Variants in NOSTRIN observed in about 807,000 individuals in gnomAD.
The protein encoded by NOSTRIN is nitric oxide synthase trafficking.
A neutral mutation model predicts 59.0 loss-of-function variants in NOSTRIN; 63 were observed. The observed-to-expected ratio is 1.07, with a 90% CI of 0.87 to 1.32. NOSTRIN has a LOEUF of 1.32. Ranked by LOEUF, NOSTRIN falls within the 40% of genes most tolerant of loss-of-function variation. NOSTRIN has a pLI of 0.00. For missense variants in NOSTRIN, 512 were observed against 473.1 expected, an observed-to-expected ratio of 1.08 and a Z score of -0.76; for synonymous variants, 200 against 165.4, an observed-to-expected ratio of 1.21 and a Z score of -1.61.
At chr2:168,798,169 G>T (rs538244846), upstream of NOSTRIN, 4 of 152,184 alleles carry the variant, frequency 2.6e-5, no homozygotes, top group South Asian at 2.1e-4. Flanking sequence ...AGAACCCAGG[G>T]ATATGGAGAG....
intron 2 of NOSTRIN, chr2:168,818,188 C>T: frequency 2.7e-6 from 1 of 365,810 alleles, no homozygotes; most frequent in Non-Finnish European, 5.7e-6. Context: ...GGTTCTCATT[C>T]TGCTGCTCAG....
At chr2:168,842,888 A>T (rs1688183139) in intron 7 of NOSTRIN, 104 bp from the exon 8 acceptor site, 2 of 762,852 alleles carry the variant, frequency 2.6e-6, no homozygotes, top group Non-Finnish European at 4.5e-6. Flanking sequence ...TCTACGTGAG[A>T]GGTGAGAAAC....
chr2:168,824,834 T>G, intron 3 of NOSTRIN, 117 bp downstream of exon 3: 3 of 639,438 alleles, frequency 4.7e-6, no homozygotes, highest in Non-Finnish European at 8.7e-6. Flanking sequence ...TAGAGTGCAG[T>G]GGCACAATCA....
At chr2:168,799,610 G>A (rs1042742681), upstream of NOSTRIN, among the ~76,000 whole-genome samples, 1 of 152,202 alleles carries the variant, frequency 6.6e-6, no homozygotes, top group Admixed American at 6.5e-5. Context: ...CCTTAGCAGA[G>A]TATGTGTAGG....
intron 10 of NOSTRIN, among the ~76,000 whole-genome samples, chr2:168,854,188 T>C (rs776927142): frequency 6.6e-6 from 1 of 152,238 alleles, no homozygotes; most frequent in East Asian, 1.9e-4. Flanking sequence ...AAGACACTTT[T>C]GTAATGTGCA....
At chr2:168,834,405 C>A in intron 7 of NOSTRIN, 80 bp downstream of exon 7, 2 of 739,576 alleles carry the variant, frequency 2.7e-6, no homozygotes, top group Non-Finnish European at 2.4e-6. Flanking sequence ...CACAAGAGAA[C>A]GGGTTGATTC....
chr2:168,864,848 A>G lies in NOSTRIN; in HGVS notation c.1399A>G (p.Ile467Val), dbSNP rs748875287. 6.2e-7 allele frequency: 1 copy of G among 1,613,972 alleles called. No individual in the cohort carries two copies. The highest frequency in any genetic ancestry group is 2.2e-5 in the East Asian group (1 of 44,860). Residue 467 changes from isoleucine to valine, a missense_variant, in exon 16 of 16, where the codon ATA becomes GTA. By Grantham distance (29) the Ile-to-Val change is conservative. Transcript: ENST00000317647. ...LNLEKGDIVI[I>V]HEKKEGGWWF... ...TATTTTCACAGGTGACATTGTGATT[A>G]TACACGAGAAAAAAGAAGGAGGATG... is the stretch of plus-strand genomic sequence containing the variant.
At position 168,859,499 on chromosome 2, in the gene NOSTRIN, G is replaced by A; in HGVS notation, c.1054-13G>A. The stretch of plus-strand genomic sequence containing the variant: ...TAGAAATTTGCTCACATGGCCAAAT[G>A]ATGTATCCACAGAACAATTTGAAAC... On this transcript the variant is annotated splice_polypyrimidine_tract_variant and intron_variant, in intron 12 of 15. Transcript: ENST00000317647. 1 of 1,611,546 alleles carries A rather than the reference G, an allele frequency of 6.2e-7. No individual in the cohort carries two copies. Among genetic ancestry groups the A allele is most frequent in the Non-Finnish European group, 8.5e-7 (1 of 1,179,002 alleles).
chr2:168,806,756 C>T (rs1685871278), intron 1 of NOSTRIN, among the ~76,000 whole-genome samples: 1 of 151,894 alleles, frequency 6.6e-6, no homozygotes, highest in Non-Finnish European at 1.5e-5. Flanking sequence ...TAGATTATTC[C>T]CTGGAATGAA....
At chr2:168,803,220 A>G (rs1389607088) in intron 1 of NOSTRIN, among the ~76,000 whole-genome samples, 1 of 152,156 alleles carries the variant, frequency 6.6e-6, no homozygotes, top group East Asian at 1.9e-4. Context: ...CGTTTTGGTA[A>G]TGTTTGGAGC....
intron 7 of NOSTRIN, among the ~76,000 whole-genome samples, 182 bp downstream of exon 7, chr2:168,834,507 G>GCGTGCGCACACACACACACA (rs756381301): frequency 8.0e-6 from 1 of 125,342 alleles, no homozygotes; most frequent in Non-Finnish European, 1.7e-5. Context: ...GCGCGCGCGC[G>GCGTGCGCACACACACACACA]CACACACACA....
At chr2:168,847,836 C>T (rs1208654265) in intron 8 of NOSTRIN, among the ~76,000 whole-genome samples, 1 of 152,320 alleles carries the variant, frequency 6.6e-6, no homozygotes, top group East Asian at 1.9e-4. Flanking sequence ...CTCCTTTGCA[C>T]AGTGGAATTT....
At chr2:168,817,638 C>A (rs1686484846) in intron 2 of NOSTRIN, among the ~76,000 whole-genome samples, 1 of 152,186 alleles carries the variant, frequency 6.6e-6, no homozygotes, top group Non-Finnish European at 1.5e-5. Context: ...GGAATGAATG[C>A]ACACTTTAGG....
chr2:168,827,238 G>T (rs1310564980), intron 3 of NOSTRIN, among the ~76,000 whole-genome samples: 1 of 152,128 alleles, frequency 6.6e-6, no homozygotes, highest in African/African-American at 2.4e-5. Flanking sequence ...ACTACATGGG[G>T]CCACTGTGGA....
At chr2:168,829,869 C>G (rs957542469) in intron 5 of NOSTRIN, among the ~76,000 whole-genome samples, 1 of 152,024 alleles carries the variant, frequency 6.6e-6, no homozygotes, top group East Asian at 1.9e-4. Flanking sequence ...GGAATACAGT[C>G]AGATAAAGCA....
Position 168,856,702 on chromosome 2 carries a change from T to C in NOSTRIN, c.977T>C (p.Met326Thr), listed in dbSNP as rs761717143. Residue 326 changes from methionine (M) to threonine (T), a missense_variant, in exon 12 of 16, where the codon ATG becomes ACG. By Grantham distance (81) the Met-to-Thr change is moderately conservative. Coordinates refer to ENST00000317647, the MANE Select transcript of NOSTRIN (RefSeq NM_001039724.4). ...ATTTCATTTTCAGGCCTGGAACGAA[T>C]GCTTAAAACGTACTCCAGCACCTCC... The part of the protein sequence containing the change: ...ASKDKEGLER[M>T]LKTYSSTSSF... 6.8e-6 allele frequency: 11 copies of C among 1,614,120 alleles called. No individual in the cohort carries two copies. The highest frequency in any genetic ancestry group is 9.3e-6 in the Non-Finnish European group (11 of 1,179,990).
chr2:168,829,680 C>T (rs1296443061), intron 5 of NOSTRIN, among the ~76,000 whole-genome samples: 1 of 152,114 alleles, frequency 6.6e-6, no homozygotes, highest in African/African-American at 2.4e-5. Flanking sequence ...AGTAGTTAAG[C>T]ACTTTATACT....
intron 15 of NOSTRIN, among the ~76,000 whole-genome samples, chr2:168,864,141 T>C (rs1689687539): frequency 6.6e-6 from 1 of 152,060 alleles, no homozygotes; most frequent in Non-Finnish European, 1.5e-5. Flanking sequence ...CTAATTTTTG[T>C]ATTTTTAGTA....
chr2:168,839,422 C>A (rs1687929459), intron 7 of NOSTRIN, among the ~76,000 whole-genome samples: 1 of 152,084 alleles, frequency 6.6e-6, no homozygotes, highest in Admixed American at 6.6e-5. Flanking sequence ...GTCTGTGGGT[C>A]CCTGACTAGA....
Sources: gnomAD v4.1 joint callset for allele counts (sites outside exome capture counted in the v4.1 genomes callset) on GRCh38, gnomAD v4.1.1 for gene constraint, MANE v1.5 for transcripts, NCBI Gene and HGNC (gene_info 2026-07-23, HGNC 2026-07-21) for gene names.